Variants in TTLL11 observed in about 807,000 individuals in gnomAD.
The protein encoded by TTLL11 is tubulin polyglutamylase TTLL11.
Under a neutral mutation model 51.7 loss-of-function variants are expected in TTLL11, and 42 were observed. That is an observed-to-expected ratio of 0.81 (90% CI 0.64 to 1.05). TTLL11 has a LOEUF of 1.05. Among genes scored for constraint, TTLL11 ranks in the 50% least tolerant of loss-of-function variants. TTLL11 has a pLI of 0.00. For missense variants in TTLL11, 799 were observed against 940.4 expected (o/e 0.85, Z 1.97); for synonymous variants, 381 against 383.5 (o/e 0.99, Z 0.08).
intron 1 of TTLL11, among the ~76,000 whole-genome samples, chr9:122,080,603 G>C (rs564379701): frequency 1.3e-5 from 2 of 152,092 alleles, no homozygotes; most frequent in African/African-American, 4.8e-5. Flanking sequence ...TGGGGTGGGA[G>C]GATCACTTGA....
chr9:121,984,646 G>A (rs1189883206), intron 4 of TTLL11, among the ~76,000 whole-genome samples: 1 of 151,916 alleles, frequency 6.6e-6, no homozygotes, highest in East Asian at 1.9e-4. Context: ...GTAAGGAGGA[G>A]GTCAAAAAAA....
At chr9:121,899,926 A>G (rs982622931) in intron 6 of TTLL11, among the ~76,000 whole-genome samples, 1 of 152,248 alleles carries the variant, frequency 6.6e-6, no homozygotes, top group African/African-American at 2.4e-5. Context: ...GGAGTTTTAC[A>G]TTGTATCTTA....
At chr9:122,060,088 T>C (rs905528237) in intron 1 of TTLL11, among the ~76,000 whole-genome samples, 3 of 152,128 alleles carry the variant, frequency 2.0e-5, no homozygotes, top group African/African-American at 7.2e-5. Context: ...CCTGATTAGA[T>C]CCCCAGGGAT....
intron 4 of TTLL11, among the ~76,000 whole-genome samples, chr9:121,988,282 T>C (rs948070082): frequency 7.2e-5 from 11 of 152,182 alleles, no homozygotes; most frequent in African/African-American, 2.4e-5. Flanking sequence ...GTGTGTTCTC[T>C]ACTCTGTAGA....
At chr9:121,894,650 A>G (rs1042148910) in intron 6 of TTLL11, among the ~76,000 whole-genome samples, 2 of 152,268 alleles carry the variant, frequency 1.3e-5, no homozygotes, top group African/African-American at 4.8e-5. Flanking sequence ...ACACAGGAAC[A>G]GAAAATCAAA....
intron 7 of TTLL11, among the ~76,000 whole-genome samples, chr9:121,863,568 C>G (rs1010306609): frequency 6.6e-6 from 1 of 152,246 alleles, no homozygotes; most frequent in East Asian, 1.9e-4. Flanking sequence ...CAAGGTAACT[C>G]TTCCTCCCTA....
chr9:121,949,823 C>G (rs1459330423), intron 6 of TTLL11, among the ~76,000 whole-genome samples: 1 of 152,074 alleles, frequency 6.6e-6, no homozygotes, highest in Non-Finnish European at 1.5e-5. Context: ...CCCTCCAGAG[C>G]CATACTGAAT....
intron 7 of TTLL11, among the ~76,000 whole-genome samples, chr9:121,862,352 G>C (rs1449481290): frequency 1.3e-5 from 2 of 152,152 alleles, no homozygotes; most frequent in Admixed American, 6.5e-5. Flanking sequence ...GCTCTAAAAT[G>C]AAGATGATAA....
intron 6 of TTLL11, among the ~76,000 whole-genome samples, chr9:121,942,576 TA>T (rs1279042967): frequency 7.0e-6 from 1 of 142,344 alleles, no homozygotes; most frequent in Non-Finnish European, 1.5e-5. Flanking sequence ...GTTGAATGAA[TA>T]AACAGGGATG....
intron 6 of TTLL11, among the ~76,000 whole-genome samples, chr9:121,932,955 G>A (rs1048402825): frequency 2.0e-5 from 3 of 152,116 alleles, no homozygotes; most frequent in Non-Finnish European, 4.4e-5. Flanking sequence ...AATTACATCC[G>A]AGCCTGTAAA....
Position 121,989,913 on chromosome 9 carries a change from G to T in TTLL11, c.694-143C>A. The stretch of plus-strand genomic sequence containing the variant: ...GAGCAGGGGCTGAGCATCTTCCATG[G>T]AGATGACACTGCACAAGGTACTGAG... On this transcript the variant is annotated intron_variant, in intron 3 of 8. Coordinates refer to ENST00000321582, the MANE Select transcript of TTLL11 (RefSeq NM_001139442.2). This position sits in a 1 kb window ranked among gnomAD's most constrained non-coding sequence, Gnocchi z 4.2. 1 of 1,462,684 alleles carries T rather than the reference G, an allele frequency of 6.8e-7. No individual in the cohort carries two copies. Among genetic ancestry groups the T allele is most frequent in the East Asian group, 2.3e-5 (1 of 42,646 alleles). 90.6% of individuals were successfully genotyped at this position (1,462,684 alleles called of 1,614,324 possible). A position where few individuals can be genotyped will look rare whatever the true frequency, so the allele number is the denominator to read the frequency against.
At chr9:121,874,183 T>G (rs1408890339) in intron 6 of TTLL11, among the ~76,000 whole-genome samples, 4 of 152,142 alleles carry the variant, frequency 2.6e-5, no homozygotes, top group Admixed American at 1.3e-4. Flanking sequence ...AAGTTTTTTT[T>G]GTAGAGATAA....
chr9:121,989,777 G>A lies in TTLL11; in HGVS notation c.694-7C>T, dbSNP rs1196324146. ...CGTCTTTCACCATTTGAACCTGGAG[G>A]GGGAAAAAAGGATGGCCGACATTAT... On this transcript the variant is annotated splice_polypyrimidine_tract_variant and splice_region_variant and intron_variant, in intron 3 of 8. Transcript: ENST00000321582. The surrounding 1 kb of genome is among the most constrained non-coding windows in gnomAD (Gnocchi z 4.2). 7.0e-6 allele frequency: 11 copies of A among 1,578,134 alleles called. No homozygotes were observed. The highest frequency in any genetic ancestry group is 8.6e-6 in the Non-Finnish European group (10 of 1,162,282).
chr9:121,963,107 A>T (rs1302150284), intron 6 of TTLL11, among the ~76,000 whole-genome samples: 1 of 151,180 alleles, frequency 6.6e-6, no homozygotes, highest in Non-Finnish European at 1.5e-5. Flanking sequence ...CCAAGCCTCG[A>T]TGTCCTCATC....
chr9:122,062,868 C>A (rs1845474831), intron 1 of TTLL11, among the ~76,000 whole-genome samples: 1 of 151,704 alleles, frequency 6.6e-6, no homozygotes, highest in South Asian at 2.1e-4. Context: ...TAGCCTTGAC[C>A]TCCCAGGCTC....
At chr9:121,999,357 G>A (rs1296339549) in intron 3 of TTLL11, among the ~76,000 whole-genome samples, 4 of 152,074 alleles carry the variant, frequency 2.6e-5, no homozygotes, top group South Asian at 2.1e-4. Flanking sequence ...AATATGACAC[G>A]TCCAAAACTA....
At chr9:121,930,116 A>G (rs894772228) in intron 6 of TTLL11, among the ~76,000 whole-genome samples, 1 of 152,220 alleles carries the variant, frequency 6.6e-6, no homozygotes, top group Non-Finnish European at 1.5e-5. Context: ...AGATGACCCA[A>G]TCAACTTCCA....
intron 6 of TTLL11, among the ~76,000 whole-genome samples, chr9:121,932,810 A>G (rs1841045493): frequency 6.6e-6 from 1 of 152,216 alleles, no homozygotes; most frequent in African/African-American, 2.4e-5. Flanking sequence ...TGTACCATTA[A>G]AATGGCAAGT....
chr9:121,825,256 TACAC>T (rs1213562850), intron 8 of TTLL11, among the ~76,000 whole-genome samples: 1 of 152,092 alleles, frequency 6.6e-6, no homozygotes, highest in Non-Finnish European at 1.5e-5. Context: ...GAGGGTCAGA[TACAC>T]ACAGAGTGAG....
Sources: allele counts gnomAD v4.1 joint callset (sites outside exome capture counted in the v4.1 genomes callset), GRCh38; gene constraint gnomAD v4.1.1; non-coding constraint Gnocchi (gnomAD v3.1); transcripts MANE v1.5; gene names NCBI Gene and HGNC (gene_info 2026-07-23, HGNC 2026-07-21).